The following GRIK1 variants were observed in gnomAD, a reference collection of about 807,000 sequenced individuals.
GRIK1 encodes the protein glutamate receptor ionotropic, kainate 1.
A neutral mutation model predicts 105.7 loss-of-function variants in GRIK1; 69 were observed. That is an observed-to-expected ratio of 0.65 (90% CI 0.54 to 0.80). The LOEUF (loss-of-function observed/expected upper bound fraction) is 0.80, where lower values mean the gene tolerates loss of function less well. Among genes scored for constraint, GRIK1 ranks in the 30% least tolerant of loss-of-function variants. GRIK1 has a pLI of 0.00. For missense variants in GRIK1, 1,109 were observed against 1,167.3 expected (o/e 0.95, Z 0.73); for synonymous variants, 438 against 431.3 (o/e 1.02, Z -0.19).
intron 1 of GRIK1, among the ~76,000 whole-genome samples, chr21:29,780,972 A>G (rs2066082388): frequency 6.6e-6 from 1 of 152,168 alleles, no homozygotes; most frequent in Non-Finnish European, 1.5e-5. Context: ...TCAACCTCAG[A>G]TTATAGATAT....
rs529670030 is a variant in GRIK1, at chr21:29,643,420, C to A, written c.955-451G>T. On this transcript the variant is annotated intron_variant, in intron 6 of 17. Coordinates refer to ENST00000327783, the MANE Select transcript of GRIK1 (RefSeq NM_001330994.2). ...TTTGGTAGAAAGAAACTGCTACAAT[C>A]ACTAACAGGTGATTTCCAGATAAGG... 2.6e-5 allele frequency among the ~76,000 whole-genome samples: 4 copies of A among 152,346 alleles called. No individual in the cohort carries two copies. In the East Asian group the frequency reaches 7.7e-4, roughly 29 times the overall value.
intron 14 of GRIK1, among the ~76,000 whole-genome samples, chr21:29,568,777 T>A (rs1199670619): frequency 6.6e-6 from 1 of 152,224 alleles, no homozygotes; most frequent in Admixed American, 6.5e-5. Context: ...TATTCATACC[T>A]CTTGTCTCTG....
chr21:29,807,478 G>A (rs1297429686), intron 1 of GRIK1, among the ~76,000 whole-genome samples: 1 of 152,062 alleles, frequency 6.6e-6, no homozygotes, highest in Non-Finnish European at 1.5e-5. Flanking sequence ...CATAGGGTCA[G>A]GTTGCTTGTA....
chr21:29,548,983 G>C (rs534576647), intron 16 of GRIK1, among the ~76,000 whole-genome samples: 51 of 152,152 alleles, frequency 3.4e-4, no homozygotes, highest in African/African-American at 1.2e-3. Flanking sequence ...AAACAAATTG[G>C]ACAACACTAT....
intron 9 of GRIK1, chr21:29,596,235 C>T (rs187476457): frequency 2.0e-6 from 1 of 497,448 alleles, no homozygotes; most frequent in Non-Finnish European, 3.7e-6. Context: ...TTACAGTTGC[C>T]TGCTTTCAAT....
chr21:29,586,570 A>C (rs930749958), intron 12 of GRIK1, among the ~76,000 whole-genome samples: 2 of 152,224 alleles, frequency 1.3e-5, no homozygotes, highest in African/African-American at 4.8e-5. Flanking sequence ...AAAAGCAATT[A>C]TTTTTTACAT....
rs540167865 is a variant in GRIK1 at position 29,703,658 on chromosome 21, A to T, written c.119-9595T>A. On this transcript the variant is annotated intron_variant, in intron 1 of 17. Coordinates refer to ENST00000327783, the MANE Select transcript of GRIK1 (RefSeq NM_001330994.2). Reference sequence around the variant, plus strand: ...AAGATCCCATGCTAGATGGATTTGGATGGGAAGCAGGTGTTTCTTGACCTG... The same window carrying T: ...AAGATCCCATGCTAGATGGATTTGGTTGGGAAGCAGGTGTTTCTTGACCTG... Among the ~76,000 whole-genome samples, 4 of 152,284 alleles carry T rather than the reference A, an allele frequency of 2.6e-5. No homozygotes were observed. The South Asian group carries it at 8.3e-4, about 32-fold the overall frequency.
At chr21:29,580,005 A>ATG (rs1166145804) in intron 13 of GRIK1, among the ~76,000 whole-genome samples, 35 of 146,068 alleles carry the variant, frequency 2.4e-4, no homozygotes, top group African/African-American at 7.6e-4. Flanking sequence ...ATGTATATAT[A>ATG]TGTATATATA....
intron 1 of GRIK1, among the ~76,000 whole-genome samples, chr21:29,754,217 A>G (rs1004623911): frequency 2.6e-5 from 4 of 152,234 alleles, no homozygotes; most frequent in African/African-American, 7.2e-5. Context: ...GGATTTTTCC[A>G]TACTAATGAA....
At chr21:29,757,944 C>T (rs565785673) in intron 1 of GRIK1, among the ~76,000 whole-genome samples, 13 of 152,308 alleles carry the variant, frequency 8.5e-5, no homozygotes, top group African/African-American at 2.4e-4. Context: ...CATTAGACAG[C>T]GTAGGCTATC....
At chr21:29,834,618 T>C (rs1038634267) in intron 1 of GRIK1, among the ~76,000 whole-genome samples, 4 of 150,958 alleles carry the variant, frequency 2.6e-5, no homozygotes, top group African/African-American at 9.7e-5. Flanking sequence ...TCTGGCAGCA[T>C]ACTCTACCCC....
rs534189506 is a variant in GRIK1, at chr21:29,677,186, T to C, written c.545-4022A>G. ...GAGCATTACAGCAAATGAGGCCAAA[T>C]GATAATAAATGATGAATCTAGGTGA... On this transcript the variant is annotated intron_variant, in intron 3 of 17. Transcript: ENST00000327783. 3.3e-5 allele frequency among the ~76,000 whole-genome samples: 5 copies of C among 152,322 alleles called. 1 individual carries two copies. Among genetic ancestry groups the C allele is most frequent in the African/African-American group, 1.2e-4 (5 of 41,584 alleles).
At chr21:29,775,275 C>CAA (rs66647707) in intron 1 of GRIK1, among the ~76,000 whole-genome samples, 175 of 73,834 alleles carry the variant, frequency 2.4e-3, no homozygotes, top group Middle Eastern at 7.0e-3. Context: ...GCCTCTGTCT[C>CAA]AAAAAAAAAA....
At chr21:29,875,001 G>GTTT (rs72244599) in intron 1 of GRIK1, among the ~76,000 whole-genome samples, 56 of 143,066 alleles carry the variant, frequency 3.9e-4, no homozygotes, top group East Asian at 1.6e-3. Flanking sequence ...TAGTTTCAGG[G>GTTT]TTTTTTTTTT....
intron 1 of GRIK1, among the ~76,000 whole-genome samples, chr21:29,832,118 C>T (rs540086371): frequency 9.5e-4 from 145 of 152,338 alleles, no homozygotes; most frequent in African/African-American, 3.5e-3. Flanking sequence ...TCTTCTTTGA[C>T]TCCATGTCTC....
chr21:29,703,842 G>A (rs898151614), intron 1 of GRIK1, among the ~76,000 whole-genome samples: 5 of 152,172 alleles, frequency 3.3e-5, no homozygotes, highest in Non-Finnish European at 7.4e-5. Context: ...TTTAGAGGGG[G>A]AGAATGGGGT....
At chr21:29,850,113 G>C (rs982801519) in intron 1 of GRIK1, among the ~76,000 whole-genome samples, 1 of 152,168 alleles carries the variant, frequency 6.6e-6, no homozygotes, top group Non-Finnish European at 1.5e-5. Context: ...CTGACTTTCA[G>C]AAGGATCATG....
intron 1 of GRIK1, among the ~76,000 whole-genome samples, chr21:29,784,026 G>A (rs754172563): frequency 1.1e-4 from 16 of 152,180 alleles, no homozygotes; most frequent in Non-Finnish European, 2.1e-4. Flanking sequence ...TGTGCCTCCC[G>A]GGTTCACGCC....
At chr21:29,822,407 TG>T (rs1326728267) in intron 1 of GRIK1, among the ~76,000 whole-genome samples, 8 of 152,064 alleles carry the variant, frequency 5.3e-5, no homozygotes, top group African/African-American at 1.2e-4. Flanking sequence ...AGCTGTTTCA[TG>T]ACTTTAGCAG....
Sources: allele counts gnomAD v4.1 joint callset (sites outside exome capture counted in the v4.1 genomes callset), GRCh38; gene constraint gnomAD v4.1.1; transcripts MANE v1.5; gene names NCBI Gene and HGNC (gene_info 2026-07-23, HGNC 2026-07-21).